Variants in PARPBP observed in about 807,000 individuals in gnomAD.
The protein encoded by PARPBP is PCNA-interacting partner.
Under a neutral mutation model 50.0 loss-of-function variants are expected in PARPBP, and 52 were observed. The observed-to-expected ratio is 1.04, with a 90% CI of 0.83 to 1.31. The LOEUF is 1.31. Ranked by LOEUF, PARPBP falls within the 50% of genes most tolerant of loss-of-function variation. PARPBP has a pLI of 0.00. For missense variants in PARPBP, 697 were observed against 672.0 expected, an observed-to-expected ratio of 1.04 and a Z score of -0.41; for synonymous variants, 244 against 232.1, an observed-to-expected ratio of 1.05 and a Z score of -0.47.
chr12:102,171,768 C>A (rs1054694635), intron 6 of PARPBP, among the ~76,000 whole-genome samples: 3 of 151,730 alleles, frequency 2.0e-5, no homozygotes, highest in Admixed American at 1.3e-4. Context: ...ACTCGGGAGG[C>A]TGAGGCAGGA....
intron 1 of PARPBP, among the ~76,000 whole-genome samples, chr12:102,122,827 G>A (rs936182275): frequency 2.0e-5 from 3 of 152,200 alleles, no homozygotes. Context: ...TGTCTTATTG[G>A]ACACTTATGA....
At chr12:102,145,221 A>G (rs1156963165) in intron 2 of PARPBP, among the ~76,000 whole-genome samples, 2 of 152,088 alleles carry the variant, frequency 1.3e-5, no homozygotes, top group Non-Finnish European at 2.9e-5. Context: ...TGTAAAGTTT[A>G]TATTGTAGTT....
At position 102,188,290 on chromosome 12, in the gene PARPBP, A is replaced by G. The variant is rs573914541; in HGVS notation, c.1263+5663A>G. ...TTTTTTTTTTTTCAAGATATTTGCC[A>G]TATTTGGAAATAAAGTGGGGTGGGA... On this transcript the variant is annotated intron_variant, in intron 9 of 10. Transcript: ENST00000327680. 2.7e-5 allele frequency among the ~76,000 whole-genome samples: 4 copies of G among 150,830 alleles called. No homozygotes were observed. In the South Asian group the frequency reaches 8.4e-4, roughly 32 times the overall value.
intron 3 of PARPBP, among the ~76,000 whole-genome samples, chr12:102,153,339 C>T (rs1565875827): frequency 6.6e-6 from 1 of 152,156 alleles, no homozygotes; most frequent in Non-Finnish European, 1.5e-5. Flanking sequence ...GCATGGCCAG[C>T]CTTGTGCCTA....
intron 3 of PARPBP, among the ~76,000 whole-genome samples, chr12:102,153,542 G>T (rs1886491912): frequency 6.6e-6 from 1 of 152,124 alleles, no homozygotes; most frequent in Admixed American, 6.6e-5. Context: ...GAGTTTCGTT[G>T]TGTTGCCCAG....
chr12:102,171,528 A>C (rs1287139654), intron 6 of PARPBP, among the ~76,000 whole-genome samples: 2 of 152,128 alleles, frequency 1.3e-5, no homozygotes, highest in Non-Finnish European at 2.9e-5. Flanking sequence ...AATCTCACTG[A>C]AATTTTTCAG....
intron 7 of PARPBP, among the ~76,000 whole-genome samples, chr12:102,176,545 T>C (rs1206516214): frequency 6.6e-6 from 1 of 152,134 alleles, no homozygotes; most frequent in Non-Finnish European, 1.5e-5. Context: ...TTTACAGAGA[T>C]AATTAAATAG....
rs1409798879 is a variant in PARPBP, at chr12:102,153,903, AT to A, written c.423del (p.Tyr141Ter). ...CTGGATTTTCTGTCTGGCAAACAGT[AT>A]GCAGTAGGTGATGAAACTGATCTTT... The part of the protein sequence containing the change: ...QLLDFLSGKQ[Y>X]AVGDETDLSI... On this transcript the variant is annotated frameshift_variant, in exon 4 of 11. Coordinates refer to ENST00000327680, the MANE Select transcript of PARPBP (RefSeq NM_017915.5). LOFTEE classifies it high-confidence loss of function. The A allele has an allele frequency of 3.1e-6, 5 of 1,610,350 alleles. No individual in the cohort carries two copies. The Admixed American group carries it at 6.7e-5, about 21-fold the overall frequency.
At chr12:102,126,358 T>C (rs991023451) in intron 2 of PARPBP, among the ~76,000 whole-genome samples, 23 of 152,254 alleles carry the variant, frequency 1.5e-4, no homozygotes, top group Non-Finnish European at 2.9e-4. Context: ...TTGTAGTTTC[T>C]CTTTTATAGA....
chr12:102,130,594 A>G (rs937636191), intron 2 of PARPBP, among the ~76,000 whole-genome samples: 1 of 152,150 alleles, frequency 6.6e-6, no homozygotes, highest in Admixed American at 6.6e-5. Context: ...TGGCTTACTC[A>G]TGTAATCTGA....
chr12:102,168,264 G>A (rs575315198), intron 6 of PARPBP, among the ~76,000 whole-genome samples: 1 of 152,248 alleles, frequency 6.6e-6, no homozygotes, highest in South Asian at 2.1e-4. Context: ...TCCTTTTGGA[G>A]GAATTTCTGG....
intron 6 of PARPBP, among the ~76,000 whole-genome samples, 163 bp downstream of exon 6, chr12:102,166,046 C>T (rs1357085048): frequency 6.6e-6 from 1 of 152,136 alleles, no homozygotes; most frequent in Non-Finnish European, 1.5e-5. Flanking sequence ...GACCTTACCT[C>T]CTAAATTTCT....
At chr12:102,140,826 G>C (rs1884467141) in intron 2 of PARPBP, among the ~76,000 whole-genome samples, 1 of 152,212 alleles carries the variant, frequency 6.6e-6, no homozygotes, top group African/African-American at 2.4e-5. Flanking sequence ...GTTCTAGTTT[G>C]ATTGCACTGT....
intron 3 of PARPBP, chr12:102,151,800 A>C: frequency 6.5e-7 from 1 of 1,534,356 alleles, no homozygotes; most frequent in Non-Finnish European, 8.7e-7. Flanking sequence ...TCATGCGGCA[A>C]GTGAGACAAT....
At chr12:102,134,194 A>G (rs1482047471) in intron 2 of PARPBP, among the ~76,000 whole-genome samples, 1 of 151,422 alleles carries the variant, frequency 6.6e-6, no homozygotes, top group East Asian at 1.9e-4. Flanking sequence ...AAGATAAACA[A>G]AATCAACAAA....
chr12:102,175,196 G>A (rs1594596907), intron 6 of PARPBP, among the ~76,000 whole-genome samples: 1 of 152,144 alleles, frequency 6.6e-6, no homozygotes, highest in Non-Finnish European at 1.5e-5. Context: ...TATTGCATGT[G>A]TACAACCACT....
intron 9 of PARPBP, among the ~76,000 whole-genome samples, chr12:102,185,594 T>A (rs895871270): frequency 6.6e-5 from 10 of 152,182 alleles, no homozygotes; most frequent in Non-Finnish European, 1.2e-4. Context: ...GTATTAGTTC[T>A]CTTTAAATGT....
intron 3 of PARPBP, chr12:102,150,173 G>A: frequency 2.2e-6 from 1 of 449,044 alleles, no homozygotes; most frequent in Non-Finnish European, 4.5e-6. Flanking sequence ...AATTGAAGCT[G>A]CTAAGATGGT....
chr12:102,154,078 T>A, intron 4 of PARPBP, 102 bp downstream of exon 4: 4 of 666,418 alleles, frequency 6.0e-6, no homozygotes, highest in Non-Finnish European at 7.9e-6. Context: ...AAAATTTTTT[T>A]AACAAATCTT....
Sources: allele counts gnomAD v4.1 joint callset (sites outside exome capture counted in the v4.1 genomes callset), GRCh38; gene constraint gnomAD v4.1.1; transcripts MANE v1.5; gene names NCBI Gene and HGNC (gene_info 2026-07-23, HGNC 2026-07-21).